Variants in SESN3 observed in about 807,000 individuals in gnomAD.
SESN3 encodes sestrin 3.
In SESN3, 21 loss-of-function variants were observed where a neutral mutation model predicts 55.3. The observed-to-expected ratio is 0.38, with a 90% confidence interval of 0.27 to 0.55. SESN3 has a LOEUF of 0.55. Among genes scored for constraint, SESN3 ranks in the 20% least tolerant of loss-of-function variants. The pLI, the probability that SESN3 is intolerant of heterozygous loss-of-function variation, is 0.76. For missense variants in SESN3, 408 were observed against 604.3 expected (o/e 0.68, Z 3.41); for synonymous variants, 181 against 203.1 (o/e 0.89, Z 0.93).
chr11:95,204,612 G>C (rs1189874388), intron 1 of SESN3, among the ~76,000 whole-genome samples: 1 of 151,990 alleles, frequency 6.6e-6, no homozygotes, highest in African/African-American at 2.4e-5. Flanking sequence ...CTTTATAAAA[G>C]AGACCCCAAG....
At chr11:95,192,239 G>T (rs1171257061) in intron 2 of SESN3, among the ~76,000 whole-genome samples, 1 of 151,920 alleles carries the variant, frequency 6.6e-6, no homozygotes, top group Non-Finnish European at 1.5e-5. Context: ...TCCATCCTAG[G>T]AAATCAAAAG....
At chr11:95,188,675 C>T (rs552122936) in intron 4 of SESN3, among the ~76,000 whole-genome samples, 1 of 151,956 alleles carries the variant, frequency 6.6e-6, no homozygotes, top group South Asian at 2.1e-4. Flanking sequence ...CAAGACCTAG[C>T]TCAAATGTTA....
intron 6 of SESN3, among the ~76,000 whole-genome samples, chr11:95,180,814 C>T (rs1020141807): frequency 4.1e-4 from 62 of 152,182 alleles, no homozygotes; most frequent in Admixed American, 2.0e-3. Context: ...AATCCCATAA[C>T]CACTTTATTT....
chr11:95,228,785 G>A (rs1860994831), intron 1 of SESN3, among the ~76,000 whole-genome samples: 1 of 152,124 alleles, frequency 6.6e-6, no homozygotes, highest in African/African-American at 2.4e-5. Flanking sequence ...GCAGAGATGT[G>A]CTCAGCAATT....
At chr11:95,223,733 A>G (rs1239514695) in intron 1 of SESN3, among the ~76,000 whole-genome samples, 1 of 152,102 alleles carries the variant, frequency 6.6e-6, no homozygotes, top group Non-Finnish European at 1.5e-5. Flanking sequence ...GAATTACACC[A>G]TATACTGGCA....
At chr11:95,205,794 G>A (rs1018890984) in intron 1 of SESN3, among the ~76,000 whole-genome samples, 2 of 151,856 alleles carry the variant, frequency 1.3e-5, no homozygotes, top group African/African-American at 4.8e-5. Context: ...CTTTATACTA[G>A]GTTATCTCAC....
intron 4 of SESN3, among the ~76,000 whole-genome samples, chr11:95,188,979 A>G (rs1000054643): frequency 2.6e-5 from 4 of 151,942 alleles, no homozygotes; most frequent in Non-Finnish European, 5.9e-5. Context: ...AAAATCTGAG[A>G]GTATGCAGAT....
chr11:95,227,491 A>G (rs1003286461), intron 1 of SESN3, among the ~76,000 whole-genome samples: 2 of 152,134 alleles, frequency 1.3e-5, no homozygotes, highest in African/African-American at 4.8e-5. Context: ...GGCGTAAGCC[A>G]CCATGCCCGG....
In SESN3 at chr11:95,172,591, T is replaced by C. The variant is rs1241032799; in HGVS notation, c.*664A>G. 1.3e-5 allele frequency: 2 copies of C among 152,232 alleles called. No homozygotes were observed. Among genetic ancestry groups the C allele is most frequent in the African/African-American group, 4.8e-5 (2 of 41,464 alleles). 9.4% of individuals were successfully genotyped at this position (152,232 alleles called of 1,614,324 possible). The stretch of plus-strand genomic sequence containing the variant: ...CAGTAGCATGCTATAGAATTCATCA[T>C]GATTAATTTCACATTAAATTATGGG... On this transcript the variant is annotated 3_prime_UTR_variant, in exon 10 of 10. Transcript: ENST00000536441.
chr11:95,213,654 C>G (rs1308871415), intron 1 of SESN3, among the ~76,000 whole-genome samples: 2 of 152,076 alleles, frequency 1.3e-5, no homozygotes, highest in East Asian at 3.8e-4. Context: ...ATTTGTTAAG[C>G]TTTTATTTTT....
rs185424326 is a variant in SESN3, at chr11:95,207,889, G to T, written c.79-14367C>A. Among the ~76,000 whole-genome samples, 6 of 151,124 alleles carry T rather than the reference G, an allele frequency of 4.0e-5. No homozygotes were observed. In the Admixed American group the frequency reaches 4.0e-4, roughly 10 times the overall value. On this transcript the variant is annotated intron_variant, in intron 1 of 9. Transcript: ENST00000536441. ...GGGTTTCATCATGTTGCCCAGGCTG[G>T]TCTCGAACTCAAGAGTTCAAGTGAT...
intron 9 of SESN3, 99 bp downstream of exon 9, chr11:95,175,399 C>T: frequency 9.3e-7 from 1 of 1,070,240 alleles, no homozygotes. Context: ...ATGTCAATGG[C>T]TATAATTTAT....
chr11:95,202,710 T>A (rs1251864050), intron 1 of SESN3, among the ~76,000 whole-genome samples: 1 of 152,074 alleles, frequency 6.6e-6, no homozygotes, highest in Non-Finnish European at 1.5e-5. Flanking sequence ...TAAATCTTAG[T>A]AGCTGAGATA....
intron 1 of SESN3, among the ~76,000 whole-genome samples, chr11:95,219,615 A>T (rs1027528963): frequency 1.3e-5 from 2 of 152,210 alleles, no homozygotes; most frequent in African/African-American, 4.8e-5. Flanking sequence ...TTGTCCCAAC[A>T]CCCTGCTTAT....
At chr11:95,178,517 T>G (rs930809144) in intron 7 of SESN3, among the ~76,000 whole-genome samples, 193 bp downstream of exon 7, 1 of 152,228 alleles carries the variant, frequency 6.6e-6, no homozygotes, top group Non-Finnish European at 1.5e-5. Context: ...TCCTTTTGTC[T>G]TCTTAGGGAG....
chr11:95,226,627 C>T (rs1020114951), intron 1 of SESN3, among the ~76,000 whole-genome samples: 2 of 152,084 alleles, frequency 1.3e-5, no homozygotes, highest in Non-Finnish European at 2.9e-5. Flanking sequence ...TTTTAAAAAG[C>T]CAGTTCCTTC....
intron 2 of SESN3, 117 bp from the exon 3 acceptor site, chr11:95,191,718 G>A: frequency 1.4e-6 from 1 of 714,530 alleles, no homozygotes; most frequent in Non-Finnish European, 2.3e-6. Flanking sequence ...AACAGACACT[G>A]AAATTATGCA....
intron 1 of SESN3, among the ~76,000 whole-genome samples, chr11:95,228,861 G>A (rs1022146538): frequency 6.6e-6 from 1 of 152,180 alleles, no homozygotes; most frequent in Non-Finnish European, 1.5e-5. Context: ...AAATGAGGAT[G>A]TTCTTTCTAG....
At position 95,168,500 on chromosome 11, in the gene SESN3, A is replaced by C. The variant is rs1219798226; in HGVS notation, c.*4755T>G. On this transcript the variant is annotated 3_prime_UTR_variant, in exon 10 of 10. Coordinates refer to ENST00000536441, the MANE Select transcript of SESN3 (RefSeq NM_144665.4). ...TATGGAAGTTGTATTACTGAACAAC[A>C]GTGAGTGAATCCATGAAAAGGTTGG... 1 of 152,242 alleles carries C rather than the reference A, an allele frequency of 6.6e-6. No individual in the cohort carries two copies. Among genetic ancestry groups the C allele is most frequent in the Admixed American group, 6.5e-5 (1 of 15,286 alleles). The allele number at this position is 152,242 out of a possible 1,614,324, so 9.4% of individuals were successfully genotyped here. A position where few individuals can be genotyped will look rare whatever the true frequency, so the allele number is the denominator to read the frequency against.
Sources: gnomAD v4.1 joint callset for allele counts (sites outside exome capture counted in the v4.1 genomes callset) on GRCh38, gnomAD v4.1.1 for gene constraint, MANE v1.5 for transcripts, NCBI Gene and HGNC (gene_info 2026-07-23, HGNC 2026-07-21) for gene names.